The following CFAP70 variants were observed in gnomAD, a reference collection of about 807,000 sequenced individuals.
The protein encoded by CFAP70 is cilia- and flagella-associated protein 70.
A neutral mutation model predicts 137.6 loss-of-function variants in CFAP70; 81 were observed. The observed-to-expected ratio is 0.59, with a 90% CI of 0.49 to 0.71. CFAP70 has a LOEUF of 0.71. Ranked by LOEUF, CFAP70 falls within the 30% of genes least tolerant of loss-of-function variation. CFAP70 has a pLI of 0.00. For synonymous variants in CFAP70, 382 were observed against 423.6 expected (o/e 0.90, Z 1.20); for missense variants, 976 against 1,226.7 (o/e 0.80, Z 3.05).
intron 25 of CFAP70, among the ~76,000 whole-genome samples, chr10:73,268,387 TCAACCTTTATA>T (rs1209571601): frequency 5.9e-5 from 9 of 152,238 alleles, no homozygotes; most frequent in African/African-American, 2.4e-5. Context: ...TTGCATGTGG[TCAACCTTTATA>T]CATAACTCAT....
chr10:73,287,026 TCA>T (rs1367829184), intron 19 of CFAP70, among the ~76,000 whole-genome samples: 4 of 152,164 alleles, frequency 2.6e-5, no homozygotes, highest in African/African-American at 9.7e-5. Context: ...TCCAGTAAAC[TCA>T]CAACCTTCAG....
chr10:73,315,230 A>C (rs990887838), intron 9 of CFAP70, among the ~76,000 whole-genome samples: 3 of 151,900 alleles, frequency 2.0e-5, no homozygotes, highest in South Asian at 2.1e-4. Context: ...AAAAAAAAAA[A>C]AAAAAACAGC....
At chr10:73,302,854 G>A (rs529080152) in intron 12 of CFAP70, among the ~76,000 whole-genome samples, 3 of 150,902 alleles carry the variant, frequency 2.0e-5, no homozygotes, top group Non-Finnish European at 4.4e-5. Context: ...TACAAGTATT[G>A]ACTATAATTT....
At chr10:73,352,278 T>C (rs1489658706) in intron 3 of CFAP70, among the ~76,000 whole-genome samples, 1 of 152,150 alleles carries the variant, frequency 6.6e-6, no homozygotes, top group Admixed American at 6.6e-5. Flanking sequence ...ACTAGGGTAA[T>C]GGAGAACCTC....
intron 12 of CFAP70, among the ~76,000 whole-genome samples, chr10:73,308,344 C>A (rs2049580232): frequency 6.6e-6 from 1 of 151,750 alleles, no homozygotes; most frequent in African/African-American, 2.4e-5. Flanking sequence ...AGATTGAAAT[C>A]ATGGCTGAGC....
intron 12 of CFAP70, among the ~76,000 whole-genome samples, chr10:73,307,642 G>T (rs1182701154): frequency 2.0e-5 from 3 of 152,010 alleles, no homozygotes; most frequent in Admixed American, 1.3e-4. Flanking sequence ...TTGATAAAAG[G>T]TTAAATACAG....
At position 73,294,798 on chromosome 10, in the gene CFAP70, T is replaced by C. The variant is rs1286497828; in HGVS notation, c.1645-1410A>G. On this transcript the variant is annotated intron_variant, in intron 15 of 26. Transcript: ENST00000310715. ...TTATACTCCCTAGCTAAATTATTTA[T>C]TTCTGGATCTATTGTATCGCTTTCT... 2 of 152,248 alleles carry C rather than the reference T, an allele frequency of 1.3e-5. 1 individual carries two copies. The highest frequency in any genetic ancestry group is 1.3e-4 in the Admixed American group (2 of 15,286). 9.4% of individuals were successfully genotyped at this position (152,248 alleles called of 1,614,324 possible).
At chr10:73,351,645 C>A (rs1251842536) in intron 3 of CFAP70, among the ~76,000 whole-genome samples, 2 of 152,076 alleles carry the variant, frequency 1.3e-5, no homozygotes, top group Non-Finnish European at 2.9e-5. Flanking sequence ...CTTGACCAGG[C>A]TGGTCTTGAA....
intron 25 of CFAP70, among the ~76,000 whole-genome samples, chr10:73,263,810 C>T (rs1375339208): frequency 6.6e-6 from 1 of 152,164 alleles, no homozygotes; most frequent in Non-Finnish European, 1.5e-5. Flanking sequence ...TTGAACTTTT[C>T]AACCATAATT....
At chr10:73,310,620 C>T (rs2049831175) in intron 11 of CFAP70, among the ~76,000 whole-genome samples, 1 of 152,302 alleles carries the variant, frequency 6.6e-6, no homozygotes, top group African/African-American at 2.4e-5. Context: ...TCATAACCTT[C>T]TTACATTCCC....
exon 10 of CFAP70, chr10:73,312,636 C>A: frequency 6.4e-7 from 1 of 1,561,786 alleles, no homozygotes; most frequent in Non-Finnish European, 8.6e-7. Flanking sequence ...GCTCAATAAA[C>A]ATTTGGTCTG....
chr10:73,340,549 G>A (rs1353434769), intron 6 of CFAP70, among the ~76,000 whole-genome samples: 1 of 152,152 alleles, frequency 6.6e-6, no homozygotes. Context: ...TTTTGCCCAG[G>A]AGCCTGTCTG....
chr10:73,357,304 G>A (rs1265664206), intron 1 of CFAP70, among the ~76,000 whole-genome samples: 1 of 152,198 alleles, frequency 6.6e-6, no homozygotes, highest in Admixed American at 6.5e-5. Flanking sequence ...CAGCAAGGAA[G>A]TGCTGAATGA....
intron 19 of CFAP70, among the ~76,000 whole-genome samples, chr10:73,287,744 G>A (rs1269793778): frequency 1.3e-5 from 2 of 152,130 alleles, no homozygotes; most frequent in African/African-American, 4.8e-5. Flanking sequence ...CAGGAGAAGA[G>A]TTACCCATCA....
In CFAP70 at chr10:73,272,789, T is replaced by A. The variant is rs558675706; in HGVS notation, c.2925+139A>T. 20 of 783,462 alleles carry A rather than the reference T, an allele frequency of 2.6e-5. No individual in the cohort carries two copies. The East Asian group carries it at 5.1e-4, about 20-fold the overall frequency. The allele number at this position is 783,462 out of a possible 1,614,324, so 48.5% of individuals were successfully genotyped here. Reference sequence around the variant, plus strand: ...GTGACCTTCAGTTCACTGAACACCTTTGAAGAACAACTTTTCATTACAGCA... The same window carrying A: ...GTGACCTTCAGTTCACTGAACACCTATGAAGAACAACTTTTCATTACAGCA... On this transcript the variant is annotated intron_variant, in intron 24 of 26. Coordinates refer to ENST00000310715, the Ensembl canonical transcript of CFAP70.
chr10:73,268,998 A>AT (rs2046017391), intron 25 of CFAP70, among the ~76,000 whole-genome samples: 1 of 152,084 alleles, frequency 6.6e-6, no homozygotes, highest in African/African-American at 2.4e-5. Context: ...GACCTCAGGT[A>AT]TTTTTAAAAT....
chr10:73,277,115 A>G, intron 21 of CFAP70, 125 bp downstream of exon 22: 1 of 1,245,152 alleles, frequency 8.0e-7, no homozygotes, highest in South Asian at 1.6e-5. Context: ...GGCTTAAAGT[A>G]TGCTCTCAAA....
intron 12 of CFAP70, among the ~76,000 whole-genome samples, chr10:73,309,775 G>A (rs1054887326): frequency 7.9e-5 from 12 of 151,318 alleles, no homozygotes; most frequent in African/African-American, 2.4e-5. Context: ...TCCTGCCTCA[G>A]CCTCCCGAGT....
At chr10:73,338,628 ACCATATTGT>A (rs1178493378) in intron 6 of CFAP70, among the ~76,000 whole-genome samples, 1 of 145,596 alleles carries the variant, frequency 6.9e-6, no homozygotes, top group Non-Finnish European at 1.5e-5. Context: ...ATGGGGTTTC[ACCATATTGT>A]CCAGGCTGGT....
Sources: allele counts gnomAD v4.1 joint callset (sites outside exome capture counted in the v4.1 genomes callset), GRCh38; gene constraint gnomAD v4.1.1; transcripts MANE v1.5; gene names NCBI Gene and HGNC (gene_info 2026-07-23, HGNC 2026-07-21).